Variants in CYTH3 observed in about 807,000 individuals in gnomAD.
CYTH3 encodes the protein cytohesin-3.
A neutral mutation model predicts 55.1 loss-of-function variants in CYTH3; 23 were observed. That is an observed-to-expected ratio of 0.42 (90% CI 0.30 to 0.59). The LOEUF is 0.59. Ranked by LOEUF, CYTH3 falls within the 20% of genes least tolerant of loss-of-function variation. CYTH3 has a pLI of 0.20. For missense variants in CYTH3, 413 were observed against 524.8 expected, an observed-to-expected ratio of 0.79 and a Z score of 2.08; for synonymous variants, 249 against 194.9, an observed-to-expected ratio of 1.28 and a Z score of -2.31.
chr7:6,247,873 G>A (rs963779327), intron 1 of CYTH3, among the ~76,000 whole-genome samples: 3 of 151,696 alleles, frequency 2.0e-5, no homozygotes, highest in African/African-American at 4.8e-5. Flanking sequence ...GGCTGGTCTC[G>A]AACTCCTGGT....
chr7:6,182,588 C>A (rs933399911), intron 4 of CYTH3, among the ~76,000 whole-genome samples: 1 of 152,192 alleles, frequency 6.6e-6, no homozygotes, highest in African/African-American at 2.4e-5. Context: ...TTCATTGTAG[C>A]CTCAAACTCC....
At chr7:6,245,054 C>T (rs1779774419) in intron 1 of CYTH3, among the ~76,000 whole-genome samples, 1 of 141,050 alleles carries the variant, frequency 7.1e-6, no homozygotes, top group African/African-American at 2.7e-5. Context: ...CTCCTGACCT[C>T]ATGATCCACC....
intron 6 of CYTH3, chr7:6,172,218 G>T (rs114001398): frequency 1.3e-5 from 2 of 152,642 alleles, no homozygotes; most frequent in Non-Finnish European, 2.9e-5. Flanking sequence ...GGCCCCGCGG[G>T]GCTCCTCTTC....
At chr7:6,206,419 G>A (rs1335208082) in intron 1 of CYTH3, among the ~76,000 whole-genome samples, 1 of 152,320 alleles carries the variant, frequency 6.6e-6, no homozygotes, top group Non-Finnish European at 1.5e-5. Flanking sequence ...AAACTAATTT[G>A]TGTTGATAGG....
chr7:6,267,972 G>A (rs2115070463), intron 1 of CYTH3, among the ~76,000 whole-genome samples: 1 of 152,136 alleles, frequency 6.6e-6, no homozygotes. Flanking sequence ...AAATAAAAAG[G>A]CGCATAGTGA....
chr7:6,234,631 G>A (rs915357236), intron 1 of CYTH3, among the ~76,000 whole-genome samples: 8 of 152,268 alleles, frequency 5.3e-5, no homozygotes, highest in Middle Eastern at 3.4e-3. Flanking sequence ...CTGGGGACCC[G>A]GTGACCTGTT....
intron 9 of CYTH3, 55 bp from the exon 10 acceptor site, chr7:6,165,865 T>C (rs1782985114): frequency 3.2e-6 from 5 of 1,576,764 alleles, no homozygotes; most frequent in Non-Finnish European, 4.4e-6. Flanking sequence ...AGCCCGCGGG[T>C]CCAAGAGGGG....
intron 1 of CYTH3, among the ~76,000 whole-genome samples, chr7:6,221,472 T>A (rs1784550616): frequency 6.6e-6 from 1 of 152,174 alleles, no homozygotes; most frequent in African/African-American, 2.4e-5. Flanking sequence ...TTTGTGGTGA[T>A]GGAACAGTTC....
At chr7:6,198,681 A>ATTT (rs1446644077) in intron 1 of CYTH3, among the ~76,000 whole-genome samples, 1 of 152,130 alleles carries the variant, frequency 6.6e-6, no homozygotes, top group Non-Finnish European at 1.5e-5. Context: ...TTATTTTTGA[A>ATTT]TGGATAAAGT....
At chr7:6,216,640 C>T (rs1583170114) in intron 1 of CYTH3, among the ~76,000 whole-genome samples, 1 of 151,856 alleles carries the variant, frequency 6.6e-6, no homozygotes, top group Non-Finnish European at 1.5e-5. Flanking sequence ...ACACAGGAGG[C>T]TGAGGTGGGA....
At chr7:6,184,312 A>G (rs918412205) in intron 4 of CYTH3, among the ~76,000 whole-genome samples, 4 of 151,040 alleles carry the variant, frequency 2.6e-5, no homozygotes, top group Admixed American at 6.6e-5. Flanking sequence ...CACCCGCCTC[A>G]GCCTCCCAAA....
At chr7:6,225,081 G>A (rs1330148228) in intron 1 of CYTH3, among the ~76,000 whole-genome samples, 1 of 152,064 alleles carries the variant, frequency 6.6e-6, no homozygotes, top group Non-Finnish European at 1.5e-5. Context: ...ATCTGTTAGG[G>A]GTGAAGAAAT....
At chr7:6,230,031 G>C (rs1779349719) in intron 1 of CYTH3, among the ~76,000 whole-genome samples, 1 of 151,258 alleles carries the variant, frequency 6.6e-6, no homozygotes, top group Non-Finnish European at 1.5e-5. Context: ...CTACTCAGGA[G>C]GCTGAGGTAG....
intron 9 of CYTH3, among the ~76,000 whole-genome samples, chr7:6,168,074 G>A (rs1255593295): frequency 1.3e-5 from 2 of 152,196 alleles, no homozygotes; most frequent in Non-Finnish European, 2.9e-5. Context: ...ACAAGAGCCT[G>A]GCTTCTGGAA....
At chr7:6,222,344 G>C (rs575498457) in intron 1 of CYTH3, among the ~76,000 whole-genome samples, 14 of 152,336 alleles carry the variant, frequency 9.2e-5, no homozygotes, top group East Asian at 7.7e-4. Context: ...CAAGTGCCTC[G>C]TGTTCCCCCC....
intron 1 of CYTH3, among the ~76,000 whole-genome samples, chr7:6,232,739 G>A (rs772376532): frequency 2.5e-4 from 38 of 152,162 alleles, no homozygotes; most frequent in African/African-American, 3.9e-4. Context: ...CGCTTCCCTC[G>A]TCTACGGTCA....
At chr7:6,251,018 C>T (rs1318740973) in intron 1 of CYTH3, among the ~76,000 whole-genome samples, 1 of 152,212 alleles carries the variant, frequency 6.6e-6, no homozygotes, top group East Asian at 1.9e-4. Flanking sequence ...GTGGCTCACG[C>T]CTGTAATCCC....
In CYTH3 at chr7:6,170,019, A is replaced by G. The variant is rs114807290; in HGVS notation, c.823+516T>C. 0.012 allele frequency: 1,969 copies of G among 167,434 alleles called. 44 individuals are homozygous for G. Among genetic ancestry groups the G allele is most frequent in the African/African-American group, 0.045 (1,858 of 41,672 alleles). 10.4% of individuals were successfully genotyped at this position (167,434 alleles called of 1,614,324 possible). ...CACACAGCGGAGCTCACACAGACCA[A>G]CGTGGGGAGAGCGAGAGGAATGAGC... On this transcript the variant is annotated intron_variant, in intron 9 of 12. Coordinates refer to ENST00000350796, the MANE Select transcript of CYTH3 (RefSeq NM_004227.4). The surrounding 1 kb of genome is among the most constrained non-coding windows in gnomAD (Gnocchi z 7.8).
chr7:6,247,860 C>T (rs1468384712), intron 1 of CYTH3, among the ~76,000 whole-genome samples: 1 of 151,820 alleles, frequency 6.6e-6, no homozygotes, highest in Non-Finnish European at 1.5e-5. Context: ...ACCATGGTTC[C>T]CAGGCTGGTC....
Sources: allele counts gnomAD v4.1 joint callset (sites outside exome capture counted in the v4.1 genomes callset), GRCh38; gene constraint gnomAD v4.1.1; non-coding constraint Gnocchi (gnomAD v3.1); transcripts MANE v1.5; gene names NCBI Gene and HGNC (gene_info 2026-07-23, HGNC 2026-07-21).